The following EPHA3 variants were observed in gnomAD, a reference collection of about 807,000 sequenced individuals.
EPHA3 encodes EPH receptor A3.
A neutral mutation model predicts 107.1 loss-of-function variants in EPHA3; 42 were observed. The ratio of observed to expected loss-of-function variants is 0.39; its 90% CI spans 0.31 to 0.51. The LOEUF is 0.51. Ranked by LOEUF, EPHA3 falls within the 20% of genes least tolerant of loss-of-function variation. The probability of loss-of-function intolerance (pLI) is 0.78; values close to 1 mark genes in which losing one functional copy is unlikely to be tolerated. For synonymous variants in EPHA3, 461 were observed against 424.8 expected (o/e 1.09, Z -1.05); for missense variants, 1,183 against 1,211.2 (o/e 0.98, Z 0.35).
intron 5 of EPHA3, among the ~76,000 whole-genome samples, chr3:89,385,826 TG>T (rs1708606902): frequency 6.6e-6 from 1 of 152,186 alleles, no homozygotes; most frequent in South Asian, 2.1e-4. Context: ...CAGAAAGATG[TG>T]GGAAAGTGTG....
At chr3:89,388,405 A>G (rs1456217888) in intron 5 of EPHA3, among the ~76,000 whole-genome samples, 1 of 152,170 alleles carries the variant, frequency 6.6e-6, no homozygotes, top group African/African-American at 2.4e-5. Context: ...AGGAGCAACT[A>G]TACTGTAAGA....
intron 15 of EPHA3, among the ~76,000 whole-genome samples, chr3:89,460,817 G>GTCTC (rs1012668136): frequency 4.1e-5 from 5 of 122,610 alleles, no homozygotes; most frequent in African/African-American, 1.7e-4. Flanking sequence ...TGATCTCTCT[G>GTCTC]TCTCTCTTTT....
At chr3:89,174,303 G>A (rs199958377) in intron 2 of EPHA3, among the ~76,000 whole-genome samples, 1 of 151,930 alleles carries the variant, frequency 6.6e-6, no homozygotes, top group Non-Finnish European at 1.5e-5. Flanking sequence ...GTCTCTAGGA[G>A]TGCTTAAGTC....
At chr3:89,134,211 CTTT>C (rs79688748) in intron 2 of EPHA3, among the ~76,000 whole-genome samples, 28,402 of 145,418 alleles carry the variant, frequency 0.2, 2,796 homozygotes, top group African/African-American at 0.23. Context: ...TGTCAACTTT[CTTT>C]TTTTTTTTTT....
intron 15 of EPHA3, among the ~76,000 whole-genome samples, chr3:89,459,174 A>G (rs1245389192): frequency 1.3e-5 from 2 of 152,150 alleles, no homozygotes; most frequent in Non-Finnish European, 2.9e-5. Flanking sequence ...CAACACATGT[A>G]CCCCAGAACT....
At chr3:89,167,776 T>A (rs192294549) in intron 2 of EPHA3, among the ~76,000 whole-genome samples, 10 of 152,260 alleles carry the variant, frequency 6.6e-5, no homozygotes, top group African/African-American at 2.4e-4. Context: ...TCTTTTCAAC[T>A]GGAGCAAGAT....
chr3:89,454,082 C>T (rs1710051627), intron 15 of EPHA3, among the ~76,000 whole-genome samples: 1 of 152,032 alleles, frequency 6.6e-6, no homozygotes, highest in South Asian at 2.1e-4. Context: ...TACAAATATC[C>T]AGGTCTATCC....
At chr3:89,390,652 A>C (rs2107497715) in intron 5 of EPHA3, among the ~76,000 whole-genome samples, 1 of 151,854 alleles carries the variant, frequency 6.6e-6, no homozygotes, top group Non-Finnish European at 1.5e-5. Context: ...TATATATGTC[A>C]ACTAGTCATT....
chr3:89,168,832 G>A (rs540110532), intron 2 of EPHA3, among the ~76,000 whole-genome samples: 1 of 152,074 alleles, frequency 6.6e-6, no homozygotes, highest in Admixed American at 6.5e-5. Flanking sequence ...ATTAAAATAT[G>A]CAAATGTATT....
chr3:89,223,475 C>G (rs1325270853), intron 3 of EPHA3, among the ~76,000 whole-genome samples: 1 of 152,132 alleles, frequency 6.6e-6, no homozygotes, highest in African/African-American at 2.4e-5. Context: ...ATTGGCTAGT[C>G]GCCAGGCTCA....
intron 5 of EPHA3, among the ~76,000 whole-genome samples, chr3:89,349,851 T>G (rs1385161442): frequency 2.7e-5 from 4 of 146,776 alleles, no homozygotes; most frequent in Admixed American, 2.0e-4. Flanking sequence ...GTCTGTAAAG[T>G]ATTTTATTTC....
At chr3:89,136,540 T>A (rs1704320384) in intron 2 of EPHA3, among the ~76,000 whole-genome samples, 1 of 151,688 alleles carries the variant, frequency 6.6e-6, no homozygotes, top group Admixed American at 6.6e-5. Flanking sequence ...CTTTATGAAT[T>A]GTGTTCTCTT....
intron 2 of EPHA3, among the ~76,000 whole-genome samples, chr3:89,198,890 G>A (rs145809880): frequency 2.0e-4 from 31 of 152,256 alleles, no homozygotes; most frequent in Non-Finnish European, 3.8e-4. Flanking sequence ...TAATAATTCT[G>A]TAAATGTCCA....
In EPHA3 at chr3:89,422,945, C is replaced by T. The variant is rs528749673; in HGVS notation, c.2074+3555C>T. ...CTCTGATCTTCAAAGTAGCAGAAAGCGGGGGGCACAGGCTCTGCTCACAAC... is the reference window on the plus strand; with the variant it reads ...CTCTGATCTTCAAAGTAGCAGAAAGTGGGGGGCACAGGCTCTGCTCACAAC... On this transcript the variant is annotated intron_variant, in intron 11 of 16. Coordinates refer to ENST00000336596, the MANE Select transcript of EPHA3 (RefSeq NM_005233.6). Among the ~76,000 whole-genome samples, 51 of 151,184 alleles carry T rather than the reference C, an allele frequency of 3.4e-4. 1 individual carries two copies. The South Asian group carries it at 7.3e-3, about 22-fold the overall frequency.
intron 5 of EPHA3, among the ~76,000 whole-genome samples, chr3:89,391,712 C>A (rs981799924): frequency 1.3e-5 from 2 of 151,862 alleles, no homozygotes; most frequent in Non-Finnish European, 2.9e-5. Flanking sequence ...GGATTACAGG[C>A]GTGAGCCACC....
Position 89,407,379 on chromosome 3 carries a change from C to T in EPHA3, c.1697+8C>T, listed in dbSNP as rs1481131667. ...CTATGTTTTGATTGGGAGGTGAGTT[C>T]ACAGTCTGTTTCACTATTCACTTTC... is the stretch of plus-strand genomic sequence containing the variant. On this transcript the variant is annotated splice_region_variant and intron_variant, in intron 8 of 16. Transcript: ENST00000336596. The T allele has an allele frequency of 6.2e-7, 1 of 1,606,954 alleles. No individual in the cohort carries two copies. Among genetic ancestry groups the T allele is most frequent in the Non-Finnish European group, 8.5e-7 (1 of 1,174,014 alleles).
At chr3:89,450,057 GAGAAGTTTTCCCACTTACCTTT>G (rs2107554495) in intron 14 of EPHA3, 98 bp from the exon 15 acceptor site, 1 of 736,030 alleles carries the variant, frequency 1.4e-6, no homozygotes, top group Non-Finnish European at 2.1e-6. Flanking sequence ...AACTAAAAAT[GAGAAGTTTTCCCACTTACCTTT>G]AAAATAAGCA....
intron 3 of EPHA3, among the ~76,000 whole-genome samples, chr3:89,254,029 C>T (rs997929633): frequency 1.3e-5 from 2 of 151,888 alleles, no homozygotes; most frequent in Admixed American, 1.3e-4. Flanking sequence ...ATTTCCTTGT[C>T]CAACAATGTC....
chr3:89,305,336 A>C (rs1186218394), intron 3 of EPHA3, among the ~76,000 whole-genome samples: 5 of 152,190 alleles, frequency 3.3e-5, no homozygotes, highest in Non-Finnish European at 5.9e-5. Flanking sequence ...ATTATTTTGC[A>C]TGGCAAATCA....
Sources: allele counts gnomAD v4.1 joint callset (sites outside exome capture counted in the v4.1 genomes callset), GRCh38; gene constraint gnomAD v4.1.1; transcripts MANE v1.5; gene names NCBI Gene and HGNC (gene_info 2026-07-23, HGNC 2026-07-21).